RBFOX1: variants seen among roughly 807,000 people sequenced by gnomAD.
RBFOX1 encodes RNA binding protein fox-1 homolog 1.
RBFOX1 carries 8 observed loss-of-function variants against 57.7 expected under a neutral mutation model. That is an observed-to-expected ratio of 0.14 (90% CI 0.08 to 0.25). RBFOX1 has a LOEUF of 0.25. Among genes scored for constraint, RBFOX1 ranks in the 10% least tolerant of loss-of-function variants. The pLI is 1.00. For missense variants in RBFOX1, 611 were observed against 548.5 expected (o/e 1.11, Z -1.14); for synonymous variants, 326 against 222.4 (o/e 1.47, Z -4.15).
At chr16:7,531,681 G>A (rs1392589032) in intron 5 of RBFOX1, among the ~76,000 whole-genome samples, 4 of 152,156 alleles carry the variant, frequency 2.6e-5, no homozygotes, top group Admixed American at 2.6e-4. Context: ...TGAGGCACAG[G>A]TATGAAGCAA....
chr16:6,326,067 A>ACCGATTTCC (rs1317841033), intron 2 of RBFOX1, among the ~76,000 whole-genome samples: 1 of 152,136 alleles, frequency 6.6e-6, no homozygotes, highest in Admixed American at 6.5e-5. Context: ...AAATCGGTTA[A>ACCGATTTCC]CTCTTATTGA....
At chr16:6,211,604 G>A (rs1274766618) in intron 1 of RBFOX1, among the ~76,000 whole-genome samples, 2 of 152,114 alleles carry the variant, frequency 1.3e-5, no homozygotes, top group African/African-American at 4.8e-5. Flanking sequence ...AATAAGGGTA[G>A]CTTCAGCAAT....
At chr16:5,516,219 C>T (rs145520482) in intron 2 of RBFOX1, among the ~76,000 whole-genome samples, 1,581 of 152,314 alleles carry the variant, frequency 0.01, 40 homozygotes, top group Admixed American at 0.057. Flanking sequence ...ATCAGATCAA[C>T]TTATTTTCTA....
intron 2 of RBFOX1, among the ~76,000 whole-genome samples, chr16:5,496,479 GTCTC>G (rs1345839787): frequency 3.3e-5 from 5 of 152,016 alleles, no homozygotes; most frequent in Non-Finnish European, 5.9e-5. Context: ...ATCTGCAGTG[GTCTC>G]TCTAGTCACA....
At chr16:6,958,380 T>A (rs549312017) in intron 3 of RBFOX1, among the ~76,000 whole-genome samples, 1 of 152,244 alleles carries the variant, frequency 6.6e-6, no homozygotes, top group East Asian at 1.9e-4. Context: ...AGAAAAGAGA[T>A]GGAGTCAGCA....
intron 3 of RBFOX1, among the ~76,000 whole-genome samples, chr16:5,782,324 A>G (rs2054349541): frequency 6.6e-6 from 1 of 152,238 alleles, no homozygotes; most frequent in Non-Finnish European, 1.5e-5. Flanking sequence ...TTGGTGCTTC[A>G]TCCAAGAATG....
Position 6,019,422 on chromosome 16 carries a change from G to A in RBFOX1, c.-697G>A. 2.0e-6 allele frequency: 2 copies of A among 987,660 alleles called. No individual in the cohort carries two copies. Among genetic ancestry groups the A allele is most frequent in the Non-Finnish European group, 2.4e-6 (2 of 831,678 alleles). The allele number at this position is 987,660 out of a possible 1,614,324, so 61.2% of individuals were successfully genotyped here. A position where few individuals can be genotyped will look rare whatever the true frequency, so the allele number is the denominator to read the frequency against. ...GCGCGGAGGGTGGCGGACGGCGGAC[G>A]GAGCCCAGGGGCCGCGTCGGGTGGG... is the stretch of plus-strand genomic sequence containing the variant. On this transcript the variant is annotated 5_prime_UTR_variant, in exon 1 of 16. Coordinates refer to ENST00000550418, the MANE Select transcript of RBFOX1 (RefSeq NM_018723.4). The surrounding 1 kb of genome is among the most constrained non-coding windows in gnomAD (Gnocchi z 4.2).
chr16:5,545,359 T>G (rs1345666908), intron 2 of RBFOX1, among the ~76,000 whole-genome samples: 1 of 152,098 alleles, frequency 6.6e-6, no homozygotes, highest in Non-Finnish European at 1.5e-5. Flanking sequence ...AAAGATTATT[T>G]TAGGAGACAG....
At chr16:6,290,110 G>C (rs138844035) in intron 1 of RBFOX1, among the ~76,000 whole-genome samples, 125 of 151,934 alleles carry the variant, frequency 8.2e-4, no homozygotes, top group African/African-American at 2.8e-3. Context: ...GGAGGGGTAT[G>C]TAGCTTGGAT....
chr16:5,442,075 G>A (rs1226722332), intron 1 of RBFOX1, among the ~76,000 whole-genome samples: 2 of 152,172 alleles, frequency 1.3e-5, no homozygotes, highest in African/African-American at 4.8e-5. Flanking sequence ...GAGAGTTGGG[G>A]AGTTTTGCTA....
intron 2 of RBFOX1, among the ~76,000 whole-genome samples, chr16:6,367,246 C>CTTTT (rs1567132605): frequency 2.0e-4 from 30 of 148,052 alleles, no homozygotes; most frequent in African/African-American, 7.4e-4. Flanking sequence ...CTTGGATTTT[C>CTTTT]TTTGTTTGTT....
chr16:5,251,162 C>T (rs373222711), intron 1 of RBFOX1, among the ~76,000 whole-genome samples: 2 of 152,224 alleles, frequency 1.3e-5, no homozygotes, highest in African/African-American at 4.8e-5. Context: ...CTCTGGCTTC[C>T]GAGCTCTGGC....
chr16:6,315,111 C>T (rs2152772073), intron 1 of RBFOX1, among the ~76,000 whole-genome samples: 1 of 152,358 alleles, frequency 6.6e-6, no homozygotes, highest in Non-Finnish European at 1.5e-5. Context: ...ACTTGTTTTA[C>T]AAATATTAAC....
chr16:6,542,439 C>T (rs983719188), intron 2 of RBFOX1, among the ~76,000 whole-genome samples: 20 of 143,278 alleles, frequency 1.4e-4, no homozygotes, highest in African/African-American at 5.1e-4. Context: ...AAAGGTGTCT[C>T]AGTGGATAAT....
chr16:7,702,793 G>A (rs2081192554), intron 14 of RBFOX1, among the ~76,000 whole-genome samples: 1 of 152,124 alleles, frequency 6.6e-6, no homozygotes, highest in Non-Finnish European at 1.5e-5. Flanking sequence ...ACAACTCATT[G>A]GTAATGATAC....
chr16:6,422,462 C>T (rs1179365488), intron 2 of RBFOX1, among the ~76,000 whole-genome samples: 1 of 152,000 alleles, frequency 6.6e-6, no homozygotes, highest in Non-Finnish European at 1.5e-5. Flanking sequence ...TATTAGTTCA[C>T]TTGTATTAGT....
At chr16:6,421,836 ACCTCCCCCCT>A (rs201103280) in intron 2 of RBFOX1, among the ~76,000 whole-genome samples, 2,065 of 144,634 alleles carry the variant, frequency 0.014, 47 homozygotes, top group African/African-American at 0.049. Flanking sequence ...ATGCTAAAAG[ACCTCCCCCCT>A]CCTCAGTCAC....
At chr16:6,899,077 T>C (rs551866301) in intron 3 of RBFOX1, among the ~76,000 whole-genome samples, 3 of 124,352 alleles carry the variant, frequency 2.4e-5, no homozygotes, top group African/African-American at 3.8e-5. Flanking sequence ...ATTACACACA[T>C]GTACACGTGT....
At chr16:6,882,730 C>T (rs150560337) in intron 3 of RBFOX1, among the ~76,000 whole-genome samples, 135 of 152,164 alleles carry the variant, frequency 8.9e-4, no homozygotes, top group African/African-American at 2.5e-3. Flanking sequence ...ACATAACCAA[C>T]GGCAACCAAA....
Sources: allele counts gnomAD v4.1 joint callset (sites outside exome capture counted in the v4.1 genomes callset), GRCh38; gene constraint gnomAD v4.1.1; non-coding constraint Gnocchi (gnomAD v3.1); transcripts MANE v1.5; gene names NCBI Gene and HGNC (gene_info 2026-07-23, HGNC 2026-07-21).